Variants in LRIG1 observed in about 807,000 individuals in gnomAD.
LRIG1 encodes leucine-rich repeats and immunoglobulin-like domains protein 1.
A neutral mutation model predicts 99.2 loss-of-function variants in LRIG1; 48 were observed. The observed-to-expected ratio is 0.48, with a 90% CI of 0.38 to 0.62. LRIG1 has a LOEUF of 0.62. Among genes scored for constraint, LRIG1 ranks in the 20% least tolerant of loss-of-function variants. The pLI, the probability that LRIG1 is intolerant of heterozygous loss-of-function variation, is 0.00. For missense variants in LRIG1, 1,646 were observed against 1,434.4 expected (o/e 1.15, Z -2.38); for synonymous variants, 772 against 596.1 (o/e 1.29, Z -4.30).
chr3:66,471,100 G>C (rs926957111), intron 1 of LRIG1, among the ~76,000 whole-genome samples: 1 of 152,254 alleles, frequency 6.6e-6, no homozygotes, highest in East Asian at 1.9e-4. Context: ...TGCTGCCAGA[G>C]GCTGACCCTC....
intron 5 of LRIG1, among the ~76,000 whole-genome samples, chr3:66,413,454 C>A (rs1276227741): frequency 6.6e-6 from 1 of 152,228 alleles, no homozygotes; most frequent in Non-Finnish European, 1.5e-5. Flanking sequence ...AAAAACCAAA[C>A]CACTATGTAT....
intron 1 of LRIG1, among the ~76,000 whole-genome samples, chr3:66,475,830 C>A (rs968344801): frequency 1.3e-5 from 2 of 152,210 alleles, no homozygotes; most frequent in Non-Finnish European, 2.9e-5. Flanking sequence ...GGTAGGCCTG[C>A]CCGTCACACT....
rs145778034 is a variant in LRIG1, at chr3:66,472,880, C to G, written c.219-10371G>C. Among the ~76,000 whole-genome samples the G allele has an allele frequency of 5.7e-3, 871 of 152,192 alleles. 3 individuals carry two copies. The highest frequency in any genetic ancestry group is 0.02 in the African/African-American group (816 of 41,518). On this transcript the variant is annotated intron_variant, in intron 1 of 18. Coordinates refer to ENST00000273261, the MANE Select transcript of LRIG1 (RefSeq NM_015541.3). ...GACTTTCCTAGGACCAGGAAAGGAT[C>G]GGACATTTTGGGCCTTTTTAACTCT... is the stretch of plus-strand genomic sequence containing the variant.
Position 66,417,133 on chromosome 3 carries a change from C to G in LRIG1, c.499G>C (p.Glu167Gln). The stretch of plus-strand genomic sequence containing the variant: ...TGGCAGAACAGAGGCACTTACAGCT[C>G]CTTTATAGGCGGTCCGTGTGGAAAG... ...TCFPHGPPIK[E>Q]LNLAGNRIGT... Residue 167 changes from glutamate (E) to glutamine (Q), a missense_variant, in exon 4 of 19, where the codon GAG (glutamate) becomes CAG (glutamine). Transcript: ENST00000273261. The G allele has an allele frequency of 1.2e-6, 2 of 1,614,050 alleles. No individual in the cohort carries two copies. Among genetic ancestry groups the G allele is most frequent in the South Asian group, 2.2e-5 (2 of 91,064 alleles).
At chr3:66,491,612 T>C (rs1431953918) in intron 1 of LRIG1, among the ~76,000 whole-genome samples, 1 of 152,218 alleles carries the variant, frequency 6.6e-6, no homozygotes, top group Admixed American at 6.5e-5. Flanking sequence ...AAACTTCCAA[T>C]TTCTTAAAAC....
chr3:66,407,214 C>T (rs988587716), intron 8 of LRIG1, 134 bp downstream of exon 8: 33 of 898,972 alleles, frequency 3.7e-5, no homozygotes, highest in Non-Finnish European at 5.2e-5. Context: ...AGACTCTGCA[C>T]ATAGAGCAAG....
At chr3:66,492,840 G>A (rs753395548) in intron 1 of LRIG1, among the ~76,000 whole-genome samples, 37 of 152,254 alleles carry the variant, frequency 2.4e-4, no homozygotes, top group Non-Finnish European at 4.6e-4. Context: ...AATCGTGGCC[G>A]TTCACGTGGG....
chr3:66,469,215 T>C (rs529019488), intron 1 of LRIG1: 1 of 152,314 alleles, frequency 6.6e-6, no homozygotes, highest in South Asian at 2.1e-4. Flanking sequence ...GAACATATTC[T>C]GCAAATAATC....
At chr3:66,473,076 A>C (rs900558098) in intron 1 of LRIG1, among the ~76,000 whole-genome samples, 2 of 152,154 alleles carry the variant, frequency 1.3e-5, no homozygotes, top group African/African-American at 4.8e-5. Context: ...AGAGACTGAG[A>C]AGGGCAATTT....
At chr3:66,478,382 A>C (rs1700772335) in intron 1 of LRIG1, among the ~76,000 whole-genome samples, 1 of 152,340 alleles carries the variant, frequency 6.6e-6, no homozygotes, top group African/African-American at 2.4e-5. Flanking sequence ...TTTCAGGGAC[A>C]TGAGAAAGCA....
intron 2 of LRIG1, among the ~76,000 whole-genome samples, chr3:66,458,373 G>A (rs998644634): frequency 6.6e-6 from 1 of 152,164 alleles, no homozygotes; most frequent in African/African-American, 2.4e-5. Context: ...CTGAGAAAAT[G>A]CTTACAAAGA....
rs778547990 is a variant in LRIG1, at chr3:66,382,424, C to G, written c.2492-26G>C. 5.6e-6 allele frequency: 9 copies of G among 1,613,986 alleles called. No individual in the cohort carries two copies. In the South Asian group the frequency reaches 9.9e-5, roughly 18 times the overall value. On this transcript the variant is annotated intron_variant, in intron 15 of 18. Transcript: ENST00000273261. ...CTGCAAGGAGACAGAACAAATAGAACACCAGGGTCTCAGTGACAAGAAATG... is the reference window on the plus strand; with the variant it reads ...CTGCAAGGAGACAGAACAAATAGAAGACCAGGGTCTCAGTGACAAGAAATG...
Position 66,394,158 on chromosome 3 carries a change from C to A in LRIG1, c.1350G>T (p.Trp450Cys), listed in dbSNP as rs1427272647. The A allele has an allele frequency of 1.2e-6, 2 of 1,609,582 alleles. No individual in the cohort carries two copies. Among genetic ancestry groups the A allele is most frequent in the African/African-American group, 2.7e-5 (2 of 74,684 alleles). The change falls in exon 12 of 19, where the codon TGG (tryptophan) becomes TGT (cysteine). Residue 450 changes from tryptophan (W) to cysteine (C), a missense_variant. Trp to Cys is a radical substitution (Grantham distance 215). Transcript: ENST00000273261. ...DSFLCDCQLKWLPPWLIGRML... is the reference protein window; with the variant it reads ...DSFLCDCQLKCLPPWLIGRML... ...TCCTGCCAATTAGCCACGGGGGCAG[C>A]CACTTCAGCTGGCAGTCACACAGGA...
At chr3:66,470,988 C>A (rs530205663) in intron 1 of LRIG1, among the ~76,000 whole-genome samples, 8 of 152,096 alleles carry the variant, frequency 5.3e-5, no homozygotes, top group Non-Finnish European at 7.3e-5. Context: ...CATCATTAAC[C>A]CCTAAAGATT....
chr3:66,398,266 G>A, intron 10 of LRIG1, 83 bp from the exon 11 acceptor site: 1 of 1,000,414 alleles, frequency 1.0e-6, no homozygotes, highest in Non-Finnish European at 1.6e-6. Context: ...TTTCACAGAT[G>A]ACCCACAGGG....
At chr3:66,426,427 G>A (rs1295593244) in intron 3 of LRIG1, among the ~76,000 whole-genome samples, 1 of 152,146 alleles carries the variant, frequency 6.6e-6, no homozygotes, top group Non-Finnish European at 1.5e-5. Flanking sequence ...GGGGTGCAGA[G>A]ACCCAGACTC....
intron 1 of LRIG1, chr3:66,498,350 G>A (rs1016713520): frequency 2.6e-5 from 4 of 152,120 alleles, no homozygotes; most frequent in African/African-American, 9.7e-5. Context: ...GAAATAACCA[G>A]TATGTTTTGC....
chr3:66,470,070 T>C (rs891587722), intron 1 of LRIG1, among the ~76,000 whole-genome samples: 1 of 152,216 alleles, frequency 6.6e-6, no homozygotes, highest in South Asian at 2.1e-4. Context: ...ACAGTGTTGG[T>C]AGAAACCTAA....
At chr3:66,431,966 T>C (rs1271915521) in intron 3 of LRIG1, among the ~76,000 whole-genome samples, 1 of 152,228 alleles carries the variant, frequency 6.6e-6, no homozygotes, top group Non-Finnish European at 1.5e-5. Flanking sequence ...AGTACGATGA[T>C]AATGGAATCC....
Sources: allele counts gnomAD v4.1 joint callset (sites outside exome capture counted in the v4.1 genomes callset), GRCh38; gene constraint gnomAD v4.1.1; transcripts MANE v1.5; gene names NCBI Gene and HGNC (gene_info 2026-07-23, HGNC 2026-07-21).